Variants in DNAAF9 observed in about 807,000 individuals in gnomAD.
DNAAF9 encodes dynein axonemal assembly factor 9.
DNAAF9 carries 90 observed loss-of-function variants against 167.0 expected under a neutral mutation model. The ratio of observed to expected loss-of-function variants is 0.54; its 90% CI spans 0.45 to 0.64. DNAAF9 has a LOEUF of 0.64. Ranked by LOEUF, DNAAF9 falls within the 30% of genes least tolerant of loss-of-function variation. DNAAF9 has a pLI of 0.00. For synonymous variants in DNAAF9, 491 were observed against 508.8 expected (o/e 0.96, Z 0.47); for missense variants, 1,315 against 1,442.2 (o/e 0.91, Z 1.43).
chr20:3,306,640 G>C (rs1220181354), intron 20 of DNAAF9, among the ~76,000 whole-genome samples: 1 of 152,126 alleles, frequency 6.6e-6, no homozygotes, highest in Admixed American at 6.6e-5. Context: ...ATACCATGCT[G>C]GTGCCTTCAG....
chr20:3,407,602 G>A lies in DNAAF9; in HGVS notation c.-45C>T, dbSNP rs1430930103. 2.9e-5 allele frequency: 35 copies of A among 1,210,918 alleles called. No homozygotes were observed. The highest frequency in any genetic ancestry group is 3.2e-5 in the Non-Finnish European group (31 of 974,518). The allele number at this position is 1,210,918 out of a possible 1,614,324, so 75.0% of individuals were successfully genotyped here. On this transcript the variant is annotated 5_prime_UTR_variant, in exon 1 of 37. Transcript: ENST00000252032. ...CGGAGGAGGACGGTGCAGCTGCGAGGGTCTCAGTTGCCCGCAGGGCGGCTC... is the reference window on the plus strand; with the variant it reads ...CGGAGGAGGACGGTGCAGCTGCGAGAGTCTCAGTTGCCCGCAGGGCGGCTC...
chr20:3,330,707 G>A (rs1413906763), intron 11 of DNAAF9, 25 bp from the exon 12 acceptor site: 3 of 1,525,256 alleles, frequency 2.0e-6, no homozygotes, highest in Non-Finnish European at 2.7e-6. Context: ...CACTAAGAAT[G>A]TGACAAGAGC....
At chr20:3,279,745 T>C (rs550332270) in intron 28 of DNAAF9, among the ~76,000 whole-genome samples, 1 of 152,320 alleles carries the variant, frequency 6.6e-6, no homozygotes, top group East Asian at 1.9e-4. Flanking sequence ...TTAGGACGGC[T>C]AAACACACTA....
chr20:3,407,035 G>A (rs973185094), intron 1 of DNAAF9, among the ~76,000 whole-genome samples: 3 of 152,162 alleles, frequency 2.0e-5, no homozygotes, highest in African/African-American at 7.2e-5. Context: ...GTGTGTGGAG[G>A]TGTGAGGTCT....
At chr20:3,401,045 G>A (rs937344213) in intron 1 of DNAAF9, among the ~76,000 whole-genome samples, 3 of 152,120 alleles carry the variant, frequency 2.0e-5, no homozygotes, top group African/African-American at 7.2e-5. Context: ...TCTTAAGGCT[G>A]GGACCATCTG....
At chr20:3,323,171 T>C (rs2069647298) in intron 14 of DNAAF9, among the ~76,000 whole-genome samples, 1 of 149,622 alleles carries the variant, frequency 6.7e-6, no homozygotes, top group African/African-American at 2.5e-5. Flanking sequence ...ACTAGATAGC[T>C]ACACACTAAT....
intron 3 of DNAAF9, 124 bp from the exon 4 acceptor site, chr20:3,376,426 G>A (rs2083576233): frequency 3.8e-6 from 3 of 779,520 alleles, no homozygotes; most frequent in Non-Finnish European, 5.8e-6. Context: ...ACTCTAAACT[G>A]AAAATTATTT....
chr20:3,318,250 A>T, intron 17 of DNAAF9, 39 bp downstream of exon 17: 3 of 806,022 alleles, frequency 3.7e-6, no homozygotes, highest in Non-Finnish European at 6.0e-6. Context: ...AAAAAAAAAA[A>T]GGCTTAAGGT....
intron 7 of DNAAF9, among the ~76,000 whole-genome samples, chr20:3,355,856 CTTTTTA>C (rs1278601009): frequency 1.3e-5 from 2 of 150,292 alleles, no homozygotes; most frequent in Non-Finnish European, 3.0e-5. Flanking sequence ...TCTTTAGTTT[CTTTTTA>C]TTGAGTTTTG....
Position 3,316,769 on chromosome 20 carries a change from C to T in DNAAF9, c.1493G>A (p.Ser498Asn). ...EKDGTVTTET[S>N]SVVLTAAVPR... ...TACAGCAGCAGTCAGGACTACGGAGCTGGTTTCTGTGGTAACAGTGCCATC... is the reference window on the plus strand; with the variant it reads ...TACAGCAGCAGTCAGGACTACGGAGTTGGTTTCTGTGGTAACAGTGCCATC... The change falls in exon 18 of 37, where the codon AGC becomes AAC. Residue 498 changes from serine to asparagine, a missense_variant. Ser to Asn is a conservative substitution (Grantham distance 46, BLOSUM62 1). Coordinates refer to ENST00000252032, the MANE Select transcript of DNAAF9 (RefSeq NM_001009984.3). The T allele has an allele frequency of 6.2e-7, 1 of 1,613,626 alleles. No homozygotes were observed. Among genetic ancestry groups the T allele is most frequent in the South Asian group, 1.1e-5 (1 of 91,044 alleles).
intron 20 of DNAAF9, among the ~76,000 whole-genome samples, chr20:3,307,994 G>C (rs1260486173): frequency 8.1e-6 from 1 of 122,766 alleles, no homozygotes; most frequent in Admixed American, 8.0e-5. Flanking sequence ...AAAAACTAAA[G>C]CAACAACTAC....
intron 35 of DNAAF9, among the ~76,000 whole-genome samples, chr20:3,254,496 G>T (rs527821484): frequency 6.6e-6 from 1 of 152,038 alleles, no homozygotes; most frequent in African/African-American, 2.4e-5. Flanking sequence ...CCTTGTTCAC[G>T]GTTGGCTTTC....
At chr20:3,285,189 C>A (rs562890155) in intron 27 of DNAAF9, among the ~76,000 whole-genome samples, 6 of 152,268 alleles carry the variant, frequency 3.9e-5, no homozygotes, top group African/African-American at 1.4e-4. Flanking sequence ...GGCATCAGGC[C>A]ACTCTAGGGG....
intron 27 of DNAAF9, among the ~76,000 whole-genome samples, chr20:3,287,034 G>C (rs995117925): frequency 8.5e-5 from 13 of 152,312 alleles, no homozygotes; most frequent in Non-Finnish European, 1.8e-4. Context: ...CCCTGGAGCA[G>C]TGGTACAAGC....
At chr20:3,259,350 G>T (rs556472403) in intron 33 of DNAAF9, 130 bp downstream of exon 33, 14 of 723,456 alleles carry the variant, frequency 1.9e-5, no homozygotes, top group Non-Finnish European at 3.5e-5. Context: ...TGAAGGCCCA[G>T]GGTGGGGAAG....
intron 22 of DNAAF9, 115 bp from the exon 23 acceptor site, chr20:3,297,064 C>T (rs193249301): frequency 3.0e-6 from 2 of 662,558 alleles, no homozygotes; most frequent in South Asian, 1.9e-5. Flanking sequence ...GAGAAAATGA[C>T]TATAACAAAC....
At chr20:3,297,985 A>G (rs757368077) in intron 22 of DNAAF9, 44 bp downstream of exon 22, 10 of 1,465,916 alleles carry the variant, frequency 6.8e-6, no homozygotes, top group Non-Finnish European at 8.5e-6. Flanking sequence ...TGCTAGGGGG[A>G]AAAAAAAGTA....
intron 1 of DNAAF9, among the ~76,000 whole-genome samples, chr20:3,398,684 A>T (rs530791006): frequency 6.6e-6 from 1 of 152,228 alleles, no homozygotes; most frequent in Non-Finnish European, 1.5e-5. Context: ...GGGGTTTGGG[A>T]ATCAACAGCA....
rs769429152 is a variant in DNAAF9 at position 3,296,886 on chromosome 20, C to T, written c.1993G>A (p.Gly665Arg). ...GISLKVIQED[G>R]LSVEQKRLHS... Reference sequence around the variant, plus strand: ...AATCTCTTTTGTTCCACAGATAATCCATCTTCCTGGATCACTTTTAAAGAG... The same window carrying T: ...AATCTCTTTTGTTCCACAGATAATCTATCTTCCTGGATCACTTTTAAAGAG... Residue 665 changes from glycine (G) to arginine (R), a missense_variant, in exon 23 of 37, where the codon GGA becomes AGA. Physicochemically the swap from Gly to Arg is moderately radical, Grantham distance 125 (BLOSUM62 -2). Around this residue, in one of 2 missense-constraint regions of DNAAF9, gnomAD observed 981 missense variants for 1,012.5 expected, o/e 0.97. Coordinates refer to ENST00000252032, the MANE Select transcript of DNAAF9 (RefSeq NM_001009984.3). 1 of 1,610,754 alleles carries T rather than the reference C, an allele frequency of 6.2e-7. No individual in the cohort carries two copies. The highest frequency in any genetic ancestry group is 8.5e-7 in the Non-Finnish European group (1 of 1,176,978).
Sources: allele counts gnomAD v4.1 joint callset (sites outside exome capture counted in the v4.1 genomes callset), GRCh38; gene constraint gnomAD v4.1.1; regional missense constraint gnomAD v4.1.1; transcripts MANE v1.5; gene names NCBI Gene and HGNC (gene_info 2026-07-23, HGNC 2026-07-21).